The following SOBP variants were observed in gnomAD, a reference collection of about 807,000 sequenced individuals.
SOBP encodes sine oculis-binding protein homolog.
A neutral mutation model predicts 53.6 loss-of-function variants in SOBP; 4 were observed. That is an observed-to-expected ratio of 0.07 (90% CI 0.04 to 0.17). The LOEUF is 0.17. SOBP is among the 10% of genes least tolerant of loss of function. The pLI, the probability that SOBP is intolerant of heterozygous loss-of-function variation, is 1.00. For missense variants in SOBP, 1,088 were observed against 1,204.7 expected, an observed-to-expected ratio of 0.90 and a Z score of 1.43; for synonymous variants, 584 against 522.6, an observed-to-expected ratio of 1.12 and a Z score of -1.60.
chr6:107,513,180 G>C (rs1464912871), intron 3 of SOBP, among the ~76,000 whole-genome samples: 1 of 152,230 alleles, frequency 6.6e-6, no homozygotes, highest in African/African-American at 2.4e-5. Flanking sequence ...CCTGTGTGCA[G>C]AAATGTCTTA....
At chr6:107,522,111 G>A (rs527730220) in intron 3 of SOBP, among the ~76,000 whole-genome samples, 2 of 152,274 alleles carry the variant, frequency 1.3e-5, no homozygotes, top group African/African-American at 2.4e-5. Flanking sequence ...GGATTTTAGG[G>A]TTGTGAGGGA....
At chr6:107,554,940 C>T (rs1784566411) in intron 4 of SOBP, among the ~76,000 whole-genome samples, 1 of 152,206 alleles carries the variant, frequency 6.6e-6, no homozygotes, top group Non-Finnish European at 1.5e-5. Flanking sequence ...TCAAGTACAG[C>T]AGCATCCTTG....
At chr6:107,500,623 G>A (rs13207137) in intron 1 of SOBP, among the ~76,000 whole-genome samples, 10,029 of 151,548 alleles carry the variant, frequency 0.066, 463 homozygotes, top group South Asian at 0.15. Context: ...CCGGGTTCAC[G>A]CCATTCTCCT....
chr6:107,529,475 T>C (rs1201006093), intron 3 of SOBP: 9 of 985,298 alleles, frequency 9.1e-6, no homozygotes, highest in East Asian at 1.1e-4. Flanking sequence ...TTGGAGGAGA[T>C]AGATGTCCCA....
At chr6:107,641,709 C>A (rs1347460323) in intron 6 of SOBP, among the ~76,000 whole-genome samples, 1 of 152,194 alleles carries the variant, frequency 6.6e-6, no homozygotes, top group African/African-American at 2.4e-5. Context: ...CACTCCCTTG[C>A]CAGCCTAAGC....
intron 6 of SOBP, among the ~76,000 whole-genome samples, chr6:107,644,997 T>G (rs1237983728): frequency 6.6e-6 from 1 of 152,186 alleles, no homozygotes; most frequent in Non-Finnish European, 1.5e-5. Context: ...CCTTAAATAT[T>G]GATTGAAAGA....
intron 4 of SOBP, among the ~76,000 whole-genome samples, chr6:107,565,565 T>C (rs1220894265): frequency 6.6e-6 from 1 of 152,094 alleles, no homozygotes; most frequent in Non-Finnish European, 1.5e-5. Flanking sequence ...ACTTCCCATA[T>C]GGTCATCTGA....
chr6:107,575,379 G>A (rs911157537), intron 4 of SOBP, among the ~76,000 whole-genome samples: 4 of 152,192 alleles, frequency 2.6e-5, no homozygotes, highest in Admixed American at 6.5e-5. Context: ...AGTAGTCACT[G>A]AGTTGGAAGG....
In SOBP at chr6:107,658,770, T is replaced by G. The variant is rs544276876; in HGVS notation, c.*567T>G. 6.5e-6 allele frequency: 1 copy of G among 152,798 alleles called. No individual in the cohort carries two copies. Among genetic ancestry groups the G allele is most frequent in the African/African-American group, 2.4e-5 (1 of 41,592 alleles). The allele number at this position is 152,798 out of a possible 1,614,324, so 9.5% of individuals were successfully genotyped here. On this transcript the variant is annotated 3_prime_UTR_variant, in exon 7 of 7. Transcript: ENST00000317357. ...CATCTCTGTCCTGCCCGGGATGCACTTTTAAATGAAGAGTTAGAATATTTT... is the reference window on the plus strand; with the variant it reads ...CATCTCTGTCCTGCCCGGGATGCACGTTTAAATGAAGAGTTAGAATATTTT...
At chr6:107,553,427 C>T (rs1186807421) in intron 4 of SOBP, among the ~76,000 whole-genome samples, 1 of 151,508 alleles carries the variant, frequency 6.6e-6, no homozygotes, top group Non-Finnish European at 1.5e-5. Flanking sequence ...CTCCTGGGCT[C>T]AAGTGATTCT....
chr6:107,632,768 A>T (rs1439301652), intron 5 of SOBP, among the ~76,000 whole-genome samples: 1 of 152,200 alleles, frequency 6.6e-6, no homozygotes, highest in Non-Finnish European at 1.5e-5. Flanking sequence ...GAAGGGGGGA[A>T]AAAGCCATAA....
At chr6:107,621,374 C>T (rs1018141780) in intron 5 of SOBP, among the ~76,000 whole-genome samples, 3 of 152,186 alleles carry the variant, frequency 2.0e-5, no homozygotes, top group Non-Finnish European at 2.9e-5. Flanking sequence ...GTAGTTAGCA[C>T]AGCAGGATGG....
chr6:107,614,529 A>T (rs139825649), intron 5 of SOBP, among the ~76,000 whole-genome samples: 18 of 152,326 alleles, frequency 1.2e-4, no homozygotes, highest in African/African-American at 3.8e-4. Context: ...GGCCAGGCCC[A>T]TGGGTAGGGT....
intron 6 of SOBP, among the ~76,000 whole-genome samples, chr6:107,649,500 C>T (rs1771710990): frequency 6.6e-6 from 1 of 151,896 alleles, no homozygotes; most frequent in Admixed American, 6.6e-5. Context: ...AAACTCCTTT[C>T]ATTGAAGACA....
chr6:107,566,600 G>C (rs1225142081), intron 4 of SOBP, among the ~76,000 whole-genome samples: 1 of 152,206 alleles, frequency 6.6e-6, no homozygotes, highest in Non-Finnish European at 1.5e-5. Context: ...TTCTCTGGCT[G>C]TCTGCTCCAT....
At chr6:107,567,606 A>C (rs971497398) in intron 4 of SOBP, among the ~76,000 whole-genome samples, 1 of 152,254 alleles carries the variant, frequency 6.6e-6, no homozygotes, top group African/African-American at 2.4e-5. Flanking sequence ...CTCTAGAAAG[A>C]GACTTGGCTC....
intron 5 of SOBP, among the ~76,000 whole-genome samples, chr6:107,617,362 A>G (rs1157013259): frequency 6.6e-6 from 1 of 152,174 alleles, no homozygotes; most frequent in Non-Finnish European, 1.5e-5. Context: ...GTCATGAGGA[A>G]TGTGTGAGTG....
intron 5 of SOBP, among the ~76,000 whole-genome samples, chr6:107,605,381 A>G (rs758740833): frequency 6.6e-6 from 1 of 152,262 alleles, no homozygotes; most frequent in Non-Finnish European, 1.5e-5. Flanking sequence ...AACTGCCCTT[A>G]TCCTAACAAG....
chr6:107,490,993 G>A (rs1583132787), intron 1 of SOBP, among the ~76,000 whole-genome samples: 1 of 152,120 alleles, frequency 6.6e-6, no homozygotes, highest in Non-Finnish European at 1.5e-5. Context: ...GGGCACCGGG[G>A]ACTCGAGCGG....
Sources: allele counts gnomAD v4.1 joint callset (sites outside exome capture counted in the v4.1 genomes callset), GRCh38; gene constraint gnomAD v4.1.1; transcripts MANE v1.5; gene names NCBI Gene and HGNC (gene_info 2026-07-23, HGNC 2026-07-21).